The following LRMDA variants were observed in gnomAD, a reference collection of about 807,000 sequenced individuals.
The protein encoded by LRMDA is leucine-rich melanocyte differentiation-associated protein.
A neutral mutation model predicts 29.8 loss-of-function variants in LRMDA; 18 were observed. That is an observed-to-expected ratio of 0.60 (90% CI 0.42 to 0.90). The LOEUF is 0.90. Among genes scored for constraint, LRMDA ranks in the 40% least tolerant of loss-of-function variants. The pLI, the probability that LRMDA is intolerant of heterozygous loss-of-function variation, is 0.00. For synonymous variants in LRMDA, 125 were observed against 109.4 expected (o/e 1.14, Z -0.89); for missense variants, 273 against 273.9 (o/e 1.00, Z 0.02).
intron 2 of LRMDA, among the ~76,000 whole-genome samples, chr10:75,623,361 G>A (rs1841212038): frequency 6.6e-6 from 1 of 152,168 alleles, no homozygotes; most frequent in African/African-American, 2.4e-5. Context: ...ATGGGCTACT[G>A]TCAAAGACAA....
intron 2 of LRMDA, among the ~76,000 whole-genome samples, chr10:75,621,973 G>T (rs1158287875): frequency 6.6e-6 from 1 of 152,152 alleles, no homozygotes; most frequent in South Asian, 2.1e-4. Flanking sequence ...CTGTGAAGGG[G>T]TTTTAGCCAT....
chr10:75,718,673 C>G (rs1192343869), intron 2 of LRMDA, among the ~76,000 whole-genome samples: 1 of 152,188 alleles, frequency 6.6e-6, no homozygotes, highest in Non-Finnish European at 1.5e-5. Context: ...CAACTTCAGC[C>G]TTTTCAAAAC....
intron 6 of LRMDA, among the ~76,000 whole-genome samples, chr10:76,467,287 T>C (rs189898306): frequency 2.4e-4 from 36 of 152,312 alleles, no homozygotes; most frequent in African/African-American, 8.4e-4. Context: ...TGGCCGAAAC[T>C]GAGTAATAGG....
intron 6 of LRMDA, among the ~76,000 whole-genome samples, chr10:76,521,435 C>G (rs1843120443): frequency 6.6e-6 from 1 of 152,128 alleles, no homozygotes; most frequent in African/African-American, 2.4e-5. Context: ...CGCCCAGCCC[C>G]ATTATTACCA....
chr10:76,147,377 T>C (rs1238136528), intron 5 of LRMDA, among the ~76,000 whole-genome samples: 2 of 152,042 alleles, frequency 1.3e-5, no homozygotes, highest in African/African-American at 4.8e-5. Context: ...GGAGGCTTTG[T>C]TCATTTCTTT....
chr10:76,161,510 C>T (rs1304392525), intron 5 of LRMDA, among the ~76,000 whole-genome samples: 1 of 152,176 alleles, frequency 6.6e-6, no homozygotes, highest in African/African-American at 2.4e-5. Context: ...GGGAAACAAA[C>T]AAACAAACAA....
chr10:76,295,488 G>A (rs2132353304), intron 5 of LRMDA, among the ~76,000 whole-genome samples: 1 of 152,268 alleles, frequency 6.6e-6, no homozygotes, highest in Admixed American at 6.5e-5. Flanking sequence ...AATATCACAT[G>A]GTCACTAAAC....
intron 5 of LRMDA, among the ~76,000 whole-genome samples, chr10:76,209,954 T>C (rs1851606304): frequency 6.6e-6 from 1 of 152,132 alleles, no homozygotes; most frequent in South Asian, 2.1e-4. Context: ...ATTTGATCAA[T>C]GAATGAACTG....
At chr10:76,551,906 C>T (rs972345266) in intron 6 of LRMDA, among the ~76,000 whole-genome samples, 8 of 152,146 alleles carry the variant, frequency 5.3e-5, no homozygotes, top group African/African-American at 1.4e-4. Flanking sequence ...CTAGTTCCTT[C>T]GTTTCTCATA....
intron 5 of LRMDA, among the ~76,000 whole-genome samples, chr10:76,278,224 A>G (rs1011884986): frequency 3.3e-5 from 5 of 152,198 alleles, no homozygotes; most frequent in South Asian, 2.1e-4. Flanking sequence ...TCCAGTTTCT[A>G]AATCTGTGCT....
At chr10:76,328,551 C>T (rs1021945371) in intron 6 of LRMDA, among the ~76,000 whole-genome samples, 11 of 152,148 alleles carry the variant, frequency 7.2e-5, no homozygotes, top group Non-Finnish European at 5.9e-5. Flanking sequence ...TGACCTTTGT[C>T]CTTTACCCAG....
chr10:75,666,777 C>A (rs1428774246), intron 2 of LRMDA, among the ~76,000 whole-genome samples: 1 of 152,078 alleles, frequency 6.6e-6, no homozygotes, highest in Non-Finnish European at 1.5e-5. Context: ...GGCACCAGTA[C>A]TGCATAGTAG....
At chr10:75,511,633 G>T (rs1411640151) in intron 2 of LRMDA, among the ~76,000 whole-genome samples, 3 of 152,132 alleles carry the variant, frequency 2.0e-5, no homozygotes, top group Non-Finnish European at 4.4e-5. Context: ...CCACATAATG[G>T]TTCTCACTAT....
chr10:75,441,769 T>TC (rs200713872), intron 2 of LRMDA, among the ~76,000 whole-genome samples: 8,372 of 152,154 alleles, frequency 0.055, 581 homozygotes, highest in African/African-American at 0.17. Context: ...TTTCTTTCTT[T>TC]TTTTTTTTCC....
chr10:76,336,553 G>GT (rs777994371), intron 6 of LRMDA, among the ~76,000 whole-genome samples: 66 of 152,244 alleles, frequency 4.3e-4, no homozygotes, highest in South Asian at 3.9e-3. Context: ...CAGGGCAAAT[G>GT]TTTCTCAACT....
intron 2 of LRMDA, among the ~76,000 whole-genome samples, chr10:75,582,322 G>C (rs1334534266): frequency 6.6e-6 from 1 of 152,186 alleles, no homozygotes; most frequent in African/African-American, 2.4e-5. Context: ...TTGCATATAT[G>C]CTCTGAAATC....
rs967301204 is a variant in LRMDA at position 76,440,631 on chromosome 10, A to G, written c.601+116146A>G. Among the ~76,000 whole-genome samples the G allele has an allele frequency of 2.0e-5, 3 of 152,228 alleles. No individual in the cohort carries two copies. In the East Asian group the frequency reaches 5.8e-4, roughly 30 times the overall value. On this transcript the variant is annotated intron_variant, in intron 6 of 6. Coordinates refer to ENST00000611255, the MANE Select transcript of LRMDA (RefSeq NM_001305581.2). ...CTCTAGCATTCCATTTGACCCAGTT[A>G]AATGCTTCTCATTATTACATGACTG...
chr10:75,567,864 T>A (rs1840391964), intron 2 of LRMDA, among the ~76,000 whole-genome samples: 1 of 152,184 alleles, frequency 6.6e-6, no homozygotes, highest in Non-Finnish European at 1.5e-5. Flanking sequence ...CCCACTTTGC[T>A]TTGTTAAAGC....
intron 2 of LRMDA, among the ~76,000 whole-genome samples, chr10:75,791,202 A>C (rs189476937): frequency 7.9e-5 from 12 of 152,328 alleles, no homozygotes. Context: ...GCATATGAAT[A>C]GTGCACTAGA....
Sources: gnomAD v4.1 joint callset for allele counts (sites outside exome capture counted in the v4.1 genomes callset) on GRCh38, gnomAD v4.1.1 for gene constraint, MANE v1.5 for transcripts, NCBI Gene and HGNC (gene_info 2026-07-23, HGNC 2026-07-21) for gene names.